Variants in ESRRG observed in about 807,000 individuals in gnomAD.
ESRRG encodes estrogen related receptor gamma.
ESRRG carries 13 observed loss-of-function variants against 44.0 expected under a neutral mutation model. The ratio of observed to expected loss-of-function variants is 0.30; its 90% CI spans 0.19 to 0.47. ESRRG has a LOEUF of 0.47. Among genes scored for constraint, ESRRG ranks in the 20% least tolerant of loss-of-function variants. ESRRG has a pLI of 1.00. For missense variants in ESRRG, 395 were observed against 580.6 expected (o/e 0.68, Z 3.29); for synonymous variants, 215 against 214.6 (o/e 1.00, Z -0.02).
intron 2 of ESRRG, among the ~76,000 whole-genome samples, chr1:216,918,786 C>T (rs1371286749): frequency 1.3e-5 from 2 of 148,996 alleles, no homozygotes; most frequent in African/African-American, 4.9e-5. Context: ...TTAAAAATCC[C>T]TATATTTGAA....
intron 1 of ESRRG, among the ~76,000 whole-genome samples, chr1:216,709,399 T>C (rs1018521494): frequency 3.3e-5 from 5 of 151,296 alleles, no homozygotes; most frequent in African/African-American, 1.2e-4. Flanking sequence ...TATTTTCTTA[T>C]TTCAGACCTT....
intron 5 of ESRRG, among the ~76,000 whole-genome samples, chr1:216,524,750 A>G (rs1407599982): frequency 6.6e-6 from 1 of 152,202 alleles, no homozygotes; most frequent in Non-Finnish European, 1.5e-5. Context: ...CAAACAAGAC[A>G]AGTACATATT....
chr1:217,051,205 G>C (rs1250934194), intron 1 of ESRRG, among the ~76,000 whole-genome samples: 2 of 44,884 alleles, frequency 4.5e-5, no homozygotes, highest in Non-Finnish European at 9.8e-5. Context: ...TAATGGGGGC[G>C]GGGGGGGGGG....
intron 1 of ESRRG, among the ~76,000 whole-genome samples, chr1:217,069,447 A>C (rs2090270125): frequency 6.6e-6 from 1 of 151,104 alleles, no homozygotes; most frequent in Non-Finnish European, 1.5e-5. Context: ...ATATACATAT[A>C]TATAGATAGC....
chr1:216,666,523 G>C (rs2073968831), intron 2 of ESRRG, among the ~76,000 whole-genome samples: 1 of 152,176 alleles, frequency 6.6e-6, no homozygotes, highest in African/African-American at 2.4e-5. Flanking sequence ...TGGGTTAAGG[G>C]AGCACAAGGA....
At chr1:216,511,547 T>A (rs996172079) in intron 6 of ESRRG, among the ~76,000 whole-genome samples, 38 of 144,902 alleles carry the variant, frequency 2.6e-4, no homozygotes, top group Non-Finnish European at 3.2e-4. Context: ...ATACATAAAT[T>A]CACACACACA....
At chr1:216,775,592 T>TTTTTTTTTTTTTTA in intron 2 of ESRRG, among the ~76,000 whole-genome samples, 1 of 113,004 alleles carries the variant, frequency 8.8e-6, no homozygotes, top group Admixed American at 1.1e-4. Flanking sequence ...TTTTTTTTTT[T>TTTTTTTTTTTTTTA]AGACAGCGTC....
intron 2 of ESRRG, among the ~76,000 whole-genome samples, chr1:216,870,160 C>G (rs952501998): frequency 2.6e-5 from 4 of 151,602 alleles, no homozygotes; most frequent in Non-Finnish European, 5.9e-5. Flanking sequence ...AAGTTTCATT[C>G]TATGCCTACT....
intron 1 of ESRRG, among the ~76,000 whole-genome samples, chr1:217,088,559 C>A (rs1015623031): frequency 6.6e-6 from 1 of 152,002 alleles, no homozygotes; most frequent in South Asian, 2.1e-4. Context: ...ACATAGCAAA[C>A]GTGCTTCCCT....
intron 3 of ESRRG, among the ~76,000 whole-genome samples, chr1:216,613,380 C>A (rs1295252078): frequency 6.6e-6 from 1 of 152,110 alleles, no homozygotes; most frequent in Non-Finnish European, 1.5e-5. Context: ...TTTAAAGCGC[C>A]AAACACAGAA....
At chr1:216,568,675 T>C (rs904150975) in intron 3 of ESRRG, among the ~76,000 whole-genome samples, 1 of 152,182 alleles carries the variant, frequency 6.6e-6, no homozygotes, top group Admixed American at 6.5e-5. Flanking sequence ...AAGGGGAATG[T>C]TATTTACATT....
At chr1:216,570,338 ATTGCTGCTTT>A (rs2060550141) in intron 3 of ESRRG, among the ~76,000 whole-genome samples, 2 of 152,236 alleles carry the variant, frequency 1.3e-5, no homozygotes. Flanking sequence ...ATATTTCTTT[ATTGCTGCTTT>A]TAAAGCACTC....
intron 1 of ESRRG, among the ~76,000 whole-genome samples, chr1:217,028,230 T>C (rs1398241139): frequency 2.6e-5 from 4 of 152,162 alleles, no homozygotes; most frequent in Non-Finnish European, 5.9e-5. Context: ...AGCCTCTATC[T>C]CCATTACCTC....
chr1:216,808,155 T>C (rs967979780), intron 2 of ESRRG, among the ~76,000 whole-genome samples: 1 of 152,262 alleles, frequency 6.6e-6, no homozygotes, highest in Non-Finnish European at 1.5e-5. Context: ...TTTGATGGAA[T>C]TTGGAGAAAC....
At chr1:216,692,312 A>ATG (rs56856888) in intron 1 of ESRRG, among the ~76,000 whole-genome samples, 28 of 147,700 alleles carry the variant, frequency 1.9e-4, no homozygotes, top group East Asian at 8.1e-4. Context: ...AGGCTAGTGT[A>ATG]TGTGTGTGTG....
intron 3 of ESRRG, among the ~76,000 whole-genome samples, chr1:216,597,320 G>C (rs537175785): frequency 6.6e-6 from 1 of 152,228 alleles, no homozygotes; most frequent in Non-Finnish European, 1.5e-5. Flanking sequence ...AAAAGCATGG[G>C]CTAGACCCTA....
chr1:216,519,424 G>T lies in ESRRG; in HGVS notation c.863-3C>A. 1 of 1,599,596 alleles carries T rather than the reference G, an allele frequency of 6.3e-7. No homozygotes were observed. The highest frequency in any genetic ancestry group is 8.5e-7 in the Non-Finnish European group (1 of 1,177,328). On this transcript the variant is annotated splice_region_variant and splice_polypyrimidine_tract_variant and intron_variant, in intron 5 of 6. Coordinates refer to ENST00000408911, the MANE Select transcript of ESRRG (RefSeq NM_001438.4). The stretch of plus-strand genomic sequence containing the variant: ...CGCCAGGGACAGCGTGGAGAAGCCT[G>T]CATGGAAAGATGGGCAGATCAAGTT...
At chr1:216,856,383 A>G (rs2095940534) in intron 2 of ESRRG, among the ~76,000 whole-genome samples, 1 of 151,360 alleles carries the variant, frequency 6.6e-6, no homozygotes, top group African/African-American at 2.4e-5. Flanking sequence ...ACACACACAC[A>G]CACACACTTG....
intron 2 of ESRRG, among the ~76,000 whole-genome samples, chr1:216,857,088 T>C (rs1047841468): frequency 6.6e-6 from 1 of 152,152 alleles, no homozygotes; most frequent in Non-Finnish European, 1.5e-5. Flanking sequence ...GAACTCCTTC[T>C]AACGACTTCC....
Sources: allele counts gnomAD v4.1 joint callset (sites outside exome capture counted in the v4.1 genomes callset), GRCh38; gene constraint gnomAD v4.1.1; transcripts MANE v1.5; gene names NCBI Gene and HGNC (gene_info 2026-07-23, HGNC 2026-07-21).